Variants in EPB41L5 observed in about 807,000 individuals in gnomAD.
EPB41L5 encodes band 4.1-like protein 5.
EPB41L5 carries 55 observed loss-of-function variants against 106.6 expected under a neutral mutation model. That is an observed-to-expected ratio of 0.52 (90% CI 0.42 to 0.65). The LOEUF (loss-of-function observed/expected upper bound fraction) is 0.65, where lower values mean the gene tolerates loss of function less well. EPB41L5 is among the 30% of genes least tolerant of loss of function. The pLI, the probability that EPB41L5 is intolerant of heterozygous loss-of-function variation, is 0.00. For synonymous variants in EPB41L5, 297 were observed against 306.7 expected (o/e 0.97, Z 0.33); for missense variants, 871 against 882.1 (o/e 0.99, Z 0.16).
chr2:120,093,565 C>T (rs1199077675), intron 14 of EPB41L5, among the ~76,000 whole-genome samples: 5 of 152,152 alleles, frequency 3.3e-5, no homozygotes, highest in Admixed American at 2.0e-4. Context: ...AATTATGATC[C>T]TTATACATAA....
Position 120,175,561 on chromosome 2 carries a change from A to G in EPB41L5, c.*654A>G, listed in dbSNP as rs1354192648. 1.3e-5 allele frequency: 2 copies of G among 152,172 alleles called. No homozygotes were observed. The highest frequency in any genetic ancestry group is 6.5e-5 in the Admixed American group (1 of 15,278). The allele number at this position is 152,172 out of a possible 1,614,324, so 9.4% of individuals were successfully genotyped here. Reference sequence around the variant, plus strand: ...TTACATCAAGATAAACCCTGAGAAGAACTACGGAGAAATCAAATAAAATCC... The same window carrying G: ...TTACATCAAGATAAACCCTGAGAAGGACTACGGAGAAATCAAATAAAATCC... On this transcript the variant is annotated 3_prime_UTR_variant, in exon 25 of 25. Coordinates refer to ENST00000263713, the MANE Select transcript of EPB41L5 (RefSeq NM_020909.4).
intron 3 of EPB41L5, among the ~76,000 whole-genome samples, chr2:120,070,681 A>G (rs550739380): frequency 1.3e-5 from 2 of 152,356 alleles, no homozygotes; most frequent in Non-Finnish European, 2.9e-5. Context: ...GGCTGGTTCA[A>G]CATACGCAAA....
At chr2:120,054,626 G>A (rs562138560) in intron 3 of EPB41L5, among the ~76,000 whole-genome samples, 16 of 150,790 alleles carry the variant, frequency 1.1e-4, no homozygotes, top group African/African-American at 3.7e-4. Context: ...CTCAGCCTCC[G>A]AAGTACCTGG....
chr2:120,050,680 G>T (rs1680182522), intron 3 of EPB41L5, among the ~76,000 whole-genome samples: 1 of 152,214 alleles, frequency 6.6e-6, no homozygotes, highest in Admixed American at 6.5e-5. Context: ...TCTCCATCCA[G>T]CTTTGTTCCG....
chr2:120,133,547 A>G (rs549287055), intron 18 of EPB41L5, among the ~76,000 whole-genome samples: 136 of 152,310 alleles, frequency 8.9e-4, no homozygotes, highest in African/African-American at 3.2e-3. Flanking sequence ...TGGTGCCCAC[A>G]GAGGCTGCAT....
At chr2:120,155,327 C>T (rs980103335) in intron 20 of EPB41L5, among the ~76,000 whole-genome samples, 3 of 152,096 alleles carry the variant, frequency 2.0e-5, no homozygotes, top group Admixed American at 6.5e-5. Flanking sequence ...ATATGTCATC[C>T]CATTGCCTTC....
At chr2:120,085,699 C>T (rs992012082) in intron 10 of EPB41L5, among the ~76,000 whole-genome samples, 4 of 152,164 alleles carry the variant, frequency 2.6e-5, no homozygotes, top group Non-Finnish European at 5.9e-5. Flanking sequence ...TTGAGTTGAA[C>T]ACCTTTACGG....
rs774904037 is a variant in EPB41L5, at chr2:120,077,276, A to G, written c.674A>G (p.Lys225Arg). ...QAETNYLNKA[K>R]WLEMYGVDMH... ...GAAACCAATTATCTGAATAAAGCCA[A>G]ATGGCTAGAAATGTATGGGGTTGAT... The change falls in exon 9 of 25, where the codon AAA becomes AGA. Residue 225 changes from lysine to arginine, a missense_variant. By Grantham distance (26) the Lys-to-Arg change is conservative. Coordinates refer to ENST00000263713, the MANE Select transcript of EPB41L5 (RefSeq NM_020909.4). The G allele has an allele frequency of 6.2e-7, 1 of 1,612,202 alleles. No individual in the cohort carries two copies. The highest frequency in any genetic ancestry group is 8.5e-7 in the Non-Finnish European group (1 of 1,178,764).
At chr2:120,019,752 A>G (rs990655141) in intron 2 of EPB41L5, among the ~76,000 whole-genome samples, 2 of 152,200 alleles carry the variant, frequency 1.3e-5, no homozygotes, top group African/African-American at 4.8e-5. Context: ...TTACTTGCAG[A>G]CATTAATGAG....
chr2:120,104,080 G>A, intron 16 of EPB41L5: 1 of 1,534,484 alleles, frequency 6.5e-7, no homozygotes, highest in Non-Finnish European at 8.7e-7. Context: ...GCCAGCGACT[G>A]CTGTCAACGT....
At chr2:120,107,247 G>A (rs920355274) in intron 16 of EPB41L5, among the ~76,000 whole-genome samples, 1 of 151,988 alleles carries the variant, frequency 6.6e-6, no homozygotes, top group African/African-American at 2.4e-5. Flanking sequence ...CTTTGGTCAG[G>A]GCACACTCTT....
At chr2:120,161,443 A>G (rs1687137501) in intron 21 of EPB41L5, among the ~76,000 whole-genome samples, 1 of 151,756 alleles carries the variant, frequency 6.6e-6, no homozygotes, top group Non-Finnish European at 1.5e-5. Context: ...CTGTTGCCAC[A>G]CTACTCACAA....
chr2:120,061,043 T>TG lies in EPB41L5; in HGVS notation c.286-12135_286-12134insG, dbSNP rs1290226417. 6.5e-4 allele frequency among the ~76,000 whole-genome samples: 75 copies of TG among 115,026 alleles called. 2 individuals are homozygous for TG. The highest frequency in any genetic ancestry group is 2.2e-3 in the African/African-American group (70 of 31,220). The allele number at this position is 115,026 out of a possible 152,430, so 75.5% of individuals were successfully genotyped here. ...CTGGTTCAGGGAAGTTTTTTTTTTTTTTTTTTTTTTTTTTTGAGAAGGAGT... is the reference window on the plus strand; with the variant it reads ...CTGGTTCAGGGAAGTTTTTTTTTTTTGTTTTTTTTTTTTTTTGAGAAGGAGT... On this transcript the variant is annotated intron_variant, in intron 3 of 24. Transcript: ENST00000263713.
At chr2:120,126,102 C>T (rs1187141175) in intron 16 of EPB41L5, among the ~76,000 whole-genome samples, 2 of 152,084 alleles carry the variant, frequency 1.3e-5, no homozygotes, top group African/African-American at 4.8e-5. Context: ...ACTGTAGTAT[C>T]ACCTCATCCT....
intron 7 of EPB41L5, among the ~76,000 whole-genome samples, chr2:120,076,525 A>G (rs1402950531): frequency 3.9e-5 from 5 of 129,158 alleles, no homozygotes; most frequent in Non-Finnish European, 7.8e-5. Flanking sequence ...TGTTGCCTAG[A>G]CTGGCCTGAA....
chr2:120,118,839 T>G (rs962909200), intron 16 of EPB41L5, among the ~76,000 whole-genome samples: 1 of 152,232 alleles, frequency 6.6e-6, no homozygotes, highest in Non-Finnish European at 1.5e-5. Context: ...GATATTCTTT[T>G]GGGTATATGC....
chr2:120,079,547 G>T (rs907487473), intron 10 of EPB41L5, among the ~76,000 whole-genome samples: 3 of 152,122 alleles, frequency 2.0e-5, no homozygotes, highest in Admixed American at 2.0e-4. Flanking sequence ...AAGGTCACCT[G>T]CTATGAAGGA....
At chr2:120,148,559 TTGTCTC>T (rs1379307411) in intron 20 of EPB41L5, among the ~76,000 whole-genome samples, 1 of 152,142 alleles carries the variant, frequency 6.6e-6, no homozygotes, top group Non-Finnish European at 1.5e-5. Flanking sequence ...CTAATCTACT[TTGTCTC>T]TGTGGATTTA....
chr2:120,045,536 A>G (rs1387104644), intron 3 of EPB41L5, among the ~76,000 whole-genome samples: 1 of 152,216 alleles, frequency 6.6e-6, no homozygotes, highest in Admixed American at 6.5e-5. Context: ...CATCAAAACC[A>G]GGAAATTAAC....
Sources: gnomAD v4.1 joint callset for allele counts (sites outside exome capture counted in the v4.1 genomes callset) on GRCh38, gnomAD v4.1.1 for gene constraint, MANE v1.5 for transcripts, NCBI Gene and HGNC (gene_info 2026-07-23, HGNC 2026-07-21) for gene names.